Variants in CFAP61 observed in about 807,000 individuals in gnomAD.
The protein encoded by CFAP61 is cilia and flagella associated protein 61.
In CFAP61, 107 loss-of-function variants were observed where a neutral mutation model predicts 135.6. The ratio of observed to expected loss-of-function variants is 0.79; its 90% CI spans 0.67 to 0.93. The LOEUF is 0.93. Ranked by LOEUF, CFAP61 falls within the 40% of genes least tolerant of loss-of-function variation. The pLI is 0.00. For missense variants in CFAP61, 1,507 were observed against 1,556.2 expected, an observed-to-expected ratio of 0.97 and a Z score of 0.53; for synonymous variants, 575 against 578.5, an observed-to-expected ratio of 0.99 and a Z score of 0.09.
intron 6 of CFAP61, among the ~76,000 whole-genome samples, chr20:20,087,863 A>G (rs752084554): frequency 6.8e-6 from 1 of 147,104 alleles, no homozygotes. Context: ...ACTATGCTGT[A>G]TCATTTTTTT....
At chr20:20,311,224 A>G (rs937486984) in intron 25 of CFAP61, among the ~76,000 whole-genome samples, 7 of 152,212 alleles carry the variant, frequency 4.6e-5, no homozygotes, top group Admixed American at 4.6e-4. Context: ...GTTTGTATTT[A>G]TATCTACTAC....
chr20:20,284,527 C>T (rs6132282), intron 22 of CFAP61, among the ~76,000 whole-genome samples: 61,957 of 151,962 alleles, frequency 0.41, 13,318 homozygotes, highest in South Asian at 0.52. Context: ...CTTCGTGATC[C>T]GCCTGCCTCA....
chr20:20,185,147 C>A (rs2146860219), intron 13 of CFAP61, among the ~76,000 whole-genome samples: 1 of 152,254 alleles, frequency 6.6e-6, no homozygotes, highest in Admixed American at 6.5e-5. Context: ...TTTAATGAAG[C>A]TCGTATATTG....
rs1601565329 is a variant in CFAP61, at chr20:20,238,999, C to G, written c.2061-7118C>G. ...GATATGGTGACCTTTGATTTTGGAG[C>G]TGAGGGCTCACGGTGATGTTAGATA... On this transcript the variant is annotated intron_variant, in intron 18 of 26. Transcript: ENST00000245957. Among the ~76,000 whole-genome samples, 3 of 151,622 alleles carry G rather than the reference C, an allele frequency of 2.0e-5. No individual in the cohort carries two copies. The East Asian group carries it at 5.8e-4, about 29-fold the overall frequency.
intron 24 of CFAP61, among the ~76,000 whole-genome samples, chr20:20,294,580 G>A (rs182169677): frequency 9.3e-4 from 141 of 152,236 alleles, no homozygotes; most frequent in Non-Finnish European, 1.5e-3. Flanking sequence ...AGGATTATGC[G>A]GACAAAACTT....
At position 20,140,394 on chromosome 20, in the gene CFAP61, C is replaced by T. The variant is rs1170300019; in HGVS notation, c.860-2463C>T. Among the ~76,000 whole-genome samples the T allele has an allele frequency of 7.2e-4, 93 of 129,530 alleles. 1 individual carries two copies. The highest frequency in any genetic ancestry group is 2.6e-3 in the African/African-American group (87 of 33,394). The allele number at this position is 129,530 out of a possible 152,430, so 85.0% of individuals were successfully genotyped here. On this transcript the variant is annotated intron_variant, in intron 8 of 26. Transcript: ENST00000245957. ...GAGTGTGATGTTCCCCTTCCTGTGT[C>T]CATGTGTTCTCATTGTTCATTTCCC...
At chr20:20,286,889 G>A (rs117797871) in intron 22 of CFAP61, among the ~76,000 whole-genome samples, 3,693 of 152,268 alleles carry the variant, frequency 0.024, 52 homozygotes, top group South Asian at 0.05. Context: ...TTAACAAAAA[G>A]TAGGCTTAAT....
intron 25 of CFAP61, among the ~76,000 whole-genome samples, chr20:20,300,612 T>G (rs966909591): frequency 2.0e-5 from 3 of 151,432 alleles, no homozygotes; most frequent in African/African-American, 7.3e-5. Context: ...TTTTTGTTTT[T>G]TTTTTTTTTT....
chr20:20,299,037 G>T (rs1274757247), intron 25 of CFAP61, among the ~76,000 whole-genome samples: 1 of 152,192 alleles, frequency 6.6e-6, no homozygotes, highest in Non-Finnish European at 1.5e-5. Flanking sequence ...ACAAAGCAAG[G>T]TGATGCAGAC....
intron 2 of CFAP61, chr20:20,069,768 G>A (rs1326549234): frequency 4.4e-6 from 2 of 456,130 alleles, no homozygotes; most frequent in Non-Finnish European, 8.8e-6. Context: ...TGTCTGCACT[G>A]ACAGTGTATT....
At chr20:20,259,289 T>C (rs954555971) in intron 20 of CFAP61, among the ~76,000 whole-genome samples, 5 of 124,400 alleles carry the variant, frequency 4.0e-5, no homozygotes, top group Non-Finnish European at 7.9e-5. Context: ...TTCTGACTCC[T>C]GTCACCCAGG....
At chr20:20,261,426 T>C (rs1240686905) in intron 20 of CFAP61, among the ~76,000 whole-genome samples, 2 of 152,172 alleles carry the variant, frequency 1.3e-5, no homozygotes, top group Non-Finnish European at 2.9e-5. Context: ...TATTCTTGCC[T>C]CACAGCCCTG....
chr20:20,272,259 G>A (rs1364995107), intron 21 of CFAP61, among the ~76,000 whole-genome samples: 2 of 152,064 alleles, frequency 1.3e-5, no homozygotes, highest in Non-Finnish European at 2.9e-5. Flanking sequence ...GGCCAACATG[G>A]TGAAACCCCA....
intron 8 of CFAP61, among the ~76,000 whole-genome samples, chr20:20,136,753 A>T (rs561420791): frequency 1.3e-5 from 2 of 152,282 alleles, no homozygotes; most frequent in East Asian, 3.9e-4. Flanking sequence ...TGCCTTATTT[A>T]GTTAGTCTGG....
chr20:20,192,679 T>G (rs1489077557), intron 15 of CFAP61, among the ~76,000 whole-genome samples: 1 of 152,106 alleles, frequency 6.6e-6, no homozygotes, highest in Non-Finnish European at 1.5e-5. Context: ...CCTCCAATTA[T>G]CCTAATCTGA....
intron 6 of CFAP61, among the ~76,000 whole-genome samples, chr20:20,083,911 A>G (rs1006414716): frequency 1.3e-5 from 2 of 152,214 alleles, no homozygotes; most frequent in Non-Finnish European, 2.9e-5. Context: ...CTAGAAGCTA[A>G]ATGACTCCAA....
chr20:20,194,459 CTG>C (rs1555904233), intron 15 of CFAP61, among the ~76,000 whole-genome samples: 14 of 152,168 alleles, frequency 9.2e-5, no homozygotes, highest in Non-Finnish European at 2.9e-5. Context: ...TGAGTATACT[CTG>C]TAGAATTTTT....
chr20:20,290,967 A>G (rs1250695858), intron 24 of CFAP61, among the ~76,000 whole-genome samples: 1 of 152,140 alleles, frequency 6.6e-6, no homozygotes, highest in Non-Finnish European at 1.5e-5. Context: ...ATAAAAATTT[A>G]TTATTGTTTT....
At chr20:20,157,674 C>CA (rs1172433225) in intron 9 of CFAP61, among the ~76,000 whole-genome samples, 6 of 152,126 alleles carry the variant, frequency 3.9e-5, no homozygotes, top group Non-Finnish European at 7.4e-5. Flanking sequence ...CTAGAGAAAA[C>CA]ATAACATAGG....
Sources: gnomAD v4.1 joint callset for allele counts (sites outside exome capture counted in the v4.1 genomes callset) on GRCh38, gnomAD v4.1.1 for gene constraint, MANE v1.5 for transcripts, NCBI Gene and HGNC (gene_info 2026-07-23, HGNC 2026-07-21) for gene names.